TPO: variants seen among roughly 807,000 people sequenced by gnomAD.
TPO encodes thyroid microsomal antigen.
A neutral mutation model predicts 96.9 loss-of-function variants in TPO; 78 were observed. The ratio of observed to expected loss-of-function variants is 0.81; its 90% CI spans 0.67 to 0.97. The LOEUF is 0.97. Ranked by LOEUF, TPO falls within the 50% of genes least tolerant of loss-of-function variation. TPO has a pLI of 0.00. For synonymous variants in TPO, 547 were observed against 538.0 expected (o/e 1.02, Z -0.23); for missense variants, 1,252 against 1,274.8 (o/e 0.98, Z 0.27).
At chr2:1,480,533 C>T (rs1046575494) in intron 8 of TPO, among the ~76,000 whole-genome samples, 16 of 139,562 alleles carry the variant, frequency 1.1e-4, no homozygotes, top group African/African-American at 3.2e-4. Context: ...AATAGCATCC[C>T]CCCCTCTATC....
Position 1,394,421 on chromosome 2 carries a change from C to T in TPO, n.180+20019C>T, listed in dbSNP as rs574346667. 1.8e-4 allele frequency among the ~76,000 whole-genome samples: 27 copies of T among 152,346 alleles called. No individual in the cohort carries two copies. The South Asian group carries it at 5.4e-3, about 30-fold the overall frequency. ...CTTGATCTGCCAAGACCTCAAAATA[C>T]GGGCTGGCCCAGCCACCACAGGATG... On this transcript the variant is annotated intron_variant and non_coding_transcript_variant, in intron 1 of 5. Transcript: ENST00000497517.
At chr2:1,410,333 C>T (rs958120702), upstream of TPO, among the ~76,000 whole-genome samples, 1 of 152,210 alleles carries the variant, frequency 6.6e-6, no homozygotes, top group African/African-American at 2.4e-5. Context: ...AAGGCAACAT[C>T]AGGCTGTAGT....
In TPO at chr2:1,465,412, ATT is replaced by A. The variant is rs1286290232; in HGVS notation, c.819+9133_819+9134del. Among the ~76,000 whole-genome samples the A allele has an allele frequency of 2.6e-5, 4 of 151,662 alleles. No homozygotes were observed. In the East Asian group the frequency reaches 7.8e-4, roughly 29 times the overall value. ...TTTTTGGTTCCATACGAATTTTAGGATTTTGTTTTCTAATTTGATGAAGAATG... is the reference window on the plus strand; with the variant it reads ...TTTTTGGTTCCATACGAATTTTAGGATTGTTTTCTAATTTGATGAAGAATG... On this transcript the variant is annotated intron_variant, in intron 7 of 16. Transcript: ENST00000329066.
intron 8 of TPO, chr2:1,478,132 TAG>T (rs1670161634): frequency 1.0e-6 from 1 of 985,286 alleles, no homozygotes; most frequent in African/African-American, 1.7e-5. Flanking sequence ...ACTAACAAGT[TAG>T]AGTCTATTTG....
rs535033053 is a variant in TPO, at chr2:1,534,310, G to A, written c.2619-6284G>A. On this transcript the variant is annotated intron_variant, in intron 15 of 16. Transcript: ENST00000329066. ...CCTCCTCACATCCCCCTCGCTGTGC[G>A]CAACCTCATCAAATTTTCCCACTGT... Among the ~76,000 whole-genome samples, 37 of 139,872 alleles carry A rather than the reference G, an allele frequency of 2.6e-4. 1 individual carries two copies. The highest frequency in any genetic ancestry group is 9.6e-4 in the African/African-American group (35 of 36,466). The allele number at this position is 139,872 out of a possible 152,430, so 91.8% of individuals were successfully genotyped here.
intron 1 of TPO, among the ~76,000 whole-genome samples, chr2:1,381,084 T>C (rs1661802565): frequency 6.6e-6 from 1 of 152,144 alleles, no homozygotes; most frequent in South Asian, 2.1e-4. Flanking sequence ...ATCAAGGTAA[T>C]ACCATTCAGG....
intron 15 of TPO, among the ~76,000 whole-genome samples, chr2:1,531,212 A>G (rs74540885): frequency 1.4e-3 from 58 of 42,114 alleles, no homozygotes; most frequent in African/African-American, 6.0e-3. Context: ...GTCTGCAACC[A>G]CCCCAAATCG....
chr2:1,542,287 G>A, intron 16 of TPO, 134 bp from the exon 17 acceptor site: 2 of 1,221,454 alleles, frequency 1.6e-6, no homozygotes, highest in Non-Finnish European at 2.3e-6. Flanking sequence ...CAAGCAAGAA[G>A]GATGGCTCAT....
chr2:1,375,113 T>A (rs2148334275), intron 1 of TPO, among the ~76,000 whole-genome samples: 1 of 114,778 alleles, frequency 8.7e-6, no homozygotes, highest in East Asian at 2.0e-4. Flanking sequence ...TTTAAGTTTT[T>A]AAAATTTAAA....
intron 1 of TPO, among the ~76,000 whole-genome samples, chr2:1,393,306 G>A (rs1451959075): frequency 6.6e-6 from 1 of 152,216 alleles, no homozygotes; most frequent in Admixed American, 6.5e-5. Context: ...ACCCATTCGT[G>A]AGAAATCGCC....
At position 1,484,685 on chromosome 2, in the gene TPO, C is replaced by T. The variant is rs1670957397; in HGVS notation, c.1428C>T (p.Thr476=). 13 of 1,614,150 alleles carry T rather than the reference C, an allele frequency of 8.1e-6. No individual in the cohort carries two copies. Among genetic ancestry groups the T allele is most frequent in the South Asian group, 4.4e-5 (4 of 91,076 alleles). ...YVGPYEGYDS[T]ANPTVSNVFS... ...GTCCCTATGAAGGCTATGACTCCAC[C>T]GCCAACCCCACTGTGTCCAACGTGT... is the stretch of plus-strand genomic sequence containing the variant. Residue 476 remains threonine (T), a synonymous_variant, in exon 9 of 17, where the codon ACC becomes ACT. Coordinates refer to ENST00000329066, the MANE Select transcript of TPO (RefSeq NM_001206744.2).
intron 7 of TPO, among the ~76,000 whole-genome samples, chr2:1,475,889 G>C (rs1375218469): frequency 6.6e-6 from 1 of 152,228 alleles, no homozygotes; most frequent in African/African-American, 2.4e-5. Context: ...GCTGCCCAGA[G>C]GGGTTCTGAC....
chr2:1,539,377 C>G (rs1474606615), intron 15 of TPO, among the ~76,000 whole-genome samples: 1 of 152,184 alleles, frequency 6.6e-6, no homozygotes, highest in Non-Finnish European at 1.5e-5. Context: ...AAGTCAAACT[C>G]AAGCGACACC....
intron 15 of TPO, among the ~76,000 whole-genome samples, 157 bp downstream of exon 15, chr2:1,517,139 A>T (rs1271369238): frequency 1.3e-5 from 2 of 151,934 alleles, no homozygotes; most frequent in African/African-American, 4.8e-5. Flanking sequence ...AACGTAATAG[A>T]CTCTCCGGAT....
In TPO at chr2:1,542,528, C is replaced by T. The variant is rs180847489; in HGVS notation, c.*54C>T. The T allele has an allele frequency of 1.5e-3, 2,351 of 1,610,668 alleles. 1 individual carries two copies. The highest frequency in any genetic ancestry group is 1.7e-3 in the Non-Finnish European group (2,035 of 1,178,492). ...GCTTCATGTTCCCAAAATCACCGTA[C>T]GACTCTTTTCCAAACACAGGCAAAT... is the stretch of plus-strand genomic sequence containing the variant. On this transcript the variant is annotated 3_prime_UTR_variant, in exon 17 of 17. Coordinates refer to ENST00000329066, the MANE Select transcript of TPO (RefSeq NM_001206744.2).
intron 1 of TPO, among the ~76,000 whole-genome samples, chr2:1,402,397 G>A (rs1427152040): frequency 6.6e-6 from 1 of 152,186 alleles, no homozygotes; most frequent in East Asian, 1.9e-4. Context: ...CTTAGGAAGA[G>A]ACGGGAGCAC....
At chr2:1,536,848 GCCACTGTGTTCAACCTCCCCGAATACCCA>G (rs1679787448) in intron 15 of TPO, among the ~76,000 whole-genome samples, 1 of 15,302 alleles carries the variant, frequency 6.5e-5, no homozygotes, top group African/African-American at 3.0e-4. Context: ...CCCAAATCCC[GCCACTGTGTTCAACCTCCCCGAATACCCA>G]CCACTCTGTG....
chr2:1,477,489 C>T lies in TPO; in HGVS notation c.1223C>T (p.Thr408Met), dbSNP rs1670085610. The T allele has an allele frequency of 6.5e-7, 1 of 1,531,402 alleles. No homozygotes were observed. Among genetic ancestry groups the T allele is most frequent in the Non-Finnish European group, 8.7e-7 (1 of 1,144,350 alleles). 94.9% of individuals were successfully genotyped at this position (1,531,402 alleles called of 1,614,324 possible). A position where few individuals can be genotyped will look rare whatever the true frequency, so the allele number is the denominator to read the frequency against. ...SEVPSLTALH[T>M]LWLREHNRLA... ...GTCCCCTCCCTGACGGCACTGCACA[C>T]GCTGTGGCTGCGCGAGCACAACCGC... Residue 408 changes from threonine (T) to methionine (M), a missense_variant, in exon 8 of 17, where the codon ACG (threonine) becomes ATG (methionine). Thr to Met is a moderately conservative substitution (Grantham distance 81). Transcript: ENST00000329066.
At position 1,428,766 on chromosome 2, in the gene TPO, G is replaced by A. The variant is rs143294290; in HGVS notation, c.180-4672G>A. 3.2e-3 allele frequency among the ~76,000 whole-genome samples: 484 copies of A among 152,252 alleles called. 2 individuals are homozygous for A. The highest frequency in any genetic ancestry group is 0.01 in the African/African-American group (423 of 41,534). ...AAATGTCTTGCTCAGATAGATTTTA[G>A]ATAAATGTCTCCAAGGAAAGCACGC... On this transcript the variant is annotated intron_variant, in intron 3 of 16. Transcript: ENST00000329066.
Sources: allele counts gnomAD v4.1 joint callset (sites outside exome capture counted in the v4.1 genomes callset), GRCh38; gene constraint gnomAD v4.1.1; transcripts MANE v1.5; gene names NCBI Gene and HGNC (gene_info 2026-07-23, HGNC 2026-07-21).